DPF3: variants seen among roughly 807,000 people sequenced by gnomAD.
DPF3 encodes the protein zinc finger protein DPF3.
A neutral mutation model predicts 56.8 loss-of-function variants in DPF3; 18 were observed. The ratio of observed to expected loss-of-function variants is 0.32; its 90% confidence interval spans 0.22 to 0.47. DPF3 has a LOEUF of 0.47. DPF3 is among the 20% of genes least tolerant of loss of function. The pLI, the probability that DPF3 is intolerant of heterozygous loss-of-function variation, is 1.00. For synonymous variants in DPF3, 188 were observed against 180.2 expected (o/e 1.04, Z -0.35); for missense variants, 403 against 488.8 (o/e 0.82, Z 1.65).
intron 1 of DPF3, among the ~76,000 whole-genome samples, chr14:72,879,284 G>A (rs8007376): frequency 0.061 from 9,203 of 151,934 alleles, 347 homozygotes; most frequent in East Asian, 0.15. Flanking sequence ...TCAGGAGGCC[G>A]AGATAGGAGA....
chr14:72,796,159 G>A (rs189301383), intron 1 of DPF3, among the ~76,000 whole-genome samples: 23 of 152,258 alleles, frequency 1.5e-4, no homozygotes, highest in Admixed American at 1.4e-3. Flanking sequence ...CTGCTAATTA[G>A]CTGGGTGACT....
At chr14:72,705,613 C>T (rs1279841531) in intron 6 of DPF3, among the ~76,000 whole-genome samples, 1 of 152,154 alleles carries the variant, frequency 6.6e-6, no homozygotes, top group Non-Finnish European at 1.5e-5. Flanking sequence ...TGGTCTAACT[C>T]TGTGCCCCCA....
chr14:72,698,156 T>C (rs1887991461), intron 6 of DPF3, among the ~76,000 whole-genome samples: 1 of 152,248 alleles, frequency 6.6e-6, no homozygotes, highest in African/African-American at 2.4e-5. Flanking sequence ...ACTAATCACG[T>C]GTCAATACAG....
At chr14:72,749,479 A>G (rs887373035) in intron 3 of DPF3, among the ~76,000 whole-genome samples, 6 of 152,346 alleles carry the variant, frequency 3.9e-5, no homozygotes, top group Middle Eastern at 3.4e-3. Flanking sequence ...GTTAATGCTG[A>G]AACGAGTTGA....
At position 72,866,464 on chromosome 14, in the gene DPF3, C is replaced by T. The variant is rs984939128; in HGVS notation, c.32+27593G>A. On this transcript the variant is annotated intron_variant, in intron 1 of 10. Transcript: ENST00000556509. ...GCTCCTTTCTGAACCCAAGCTTATTCGAATGCACAGGCTCAGGTACCCGCC... is the reference window on the plus strand; with the variant it reads ...GCTCCTTTCTGAACCCAAGCTTATTTGAATGCACAGGCTCAGGTACCCGCC... Among the ~76,000 whole-genome samples the T allele has an allele frequency of 4.6e-5, 7 of 150,656 alleles. No individual in the cohort carries two copies. The East Asian group carries it at 1.2e-3, about 25-fold the overall frequency.
Position 72,684,400 on chromosome 14 carries a change from T to C in DPF3, c.742+8676A>G, listed in dbSNP as rs192304220. Reference sequence around the variant, plus strand: ...TAACAACCCAGGCAGAAGCCAGGGGTGGCCAGAAGATAGAGAGAGGGAGAA... The same window carrying C: ...TAACAACCCAGGCAGAAGCCAGGGGCGGCCAGAAGATAGAGAGAGGGAGAA... On this transcript the variant is annotated intron_variant, in intron 7 of 10. Coordinates refer to ENST00000556509, the MANE Select transcript of DPF3 (RefSeq NM_001280542.3). Among the ~76,000 whole-genome samples the C allele has an allele frequency of 3.3e-3, 502 of 151,924 alleles. 3 individuals are homozygous for C. The highest frequency in any genetic ancestry group is 0.011 in the African/African-American group (474 of 41,422).
chr14:72,861,492 T>C (rs1283186877), intron 1 of DPF3, among the ~76,000 whole-genome samples: 1 of 152,112 alleles, frequency 6.6e-6, no homozygotes, highest in Non-Finnish European at 1.5e-5. Context: ...CTAGCAAACA[T>C]GATTGTAGCA....
intron 1 of DPF3, among the ~76,000 whole-genome samples, chr14:72,797,753 T>A (rs758913): frequency 6.6e-6 from 1 of 152,204 alleles, no homozygotes; most frequent in Non-Finnish European, 1.5e-5. Context: ...ACGTAGGATG[T>A]GGTGATCGAA....
intron 1 of DPF3, among the ~76,000 whole-genome samples, chr14:72,787,421 C>T (rs766473257): frequency 3.7e-4 from 57 of 152,150 alleles, no homozygotes; most frequent in Admixed American, 1.8e-3. Flanking sequence ...ATGGAGAGAT[C>T]GTCTTCACAT....
intron 1 of DPF3, among the ~76,000 whole-genome samples, chr14:72,821,408 C>T (rs1396768081): frequency 6.6e-6 from 1 of 152,082 alleles, no homozygotes; most frequent in African/African-American, 2.4e-5. Flanking sequence ...CATAGCAAGA[C>T]CCCATTCTCC....
chr14:72,780,611 A>G (rs1405060707), intron 1 of DPF3, among the ~76,000 whole-genome samples: 2 of 152,214 alleles, frequency 1.3e-5, no homozygotes, highest in Admixed American at 1.3e-4. Context: ...TCCAGAGCCC[A>G]GGATTAGGCA....
At chr14:72,731,618 T>C in intron 4 of DPF3, 189 bp downstream of exon 4, 1 of 719,234 alleles carries the variant, frequency 1.4e-6, no homozygotes, top group Non-Finnish European at 2.3e-6. Context: ...AAGGCAATAA[T>C]GACTCCTTCG....
At chr14:72,733,959 T>C (rs1402506308) in intron 3 of DPF3, among the ~76,000 whole-genome samples, 1 of 152,214 alleles carries the variant, frequency 6.6e-6, no homozygotes, top group Non-Finnish European at 1.5e-5. Flanking sequence ...ACAAAGTCTT[T>C]GGGATTTTTC....
At chr14:72,627,316 A>T (rs1311667416) in intron 9 of DPF3, among the ~76,000 whole-genome samples, 10 of 152,074 alleles carry the variant, frequency 6.6e-5, no homozygotes, top group Non-Finnish European at 1.5e-4. Context: ...GTATTTGGTG[A>T]TTATTTTTAT....
intron 1 of DPF3, among the ~76,000 whole-genome samples, chr14:72,799,639 G>GTATA (rs34130015): frequency 3.3e-3 from 501 of 150,126 alleles, no homozygotes; most frequent in Non-Finnish European, 4.2e-3. Context: ...GATCATATAT[G>GTATA]TATATATATA....
At chr14:72,757,581 A>T (rs1890890040) in intron 2 of DPF3, among the ~76,000 whole-genome samples, 1 of 152,184 alleles carries the variant, frequency 6.6e-6, no homozygotes, top group African/African-American at 2.4e-5. Flanking sequence ...AGAACCGGGT[A>T]ACAGGATCAA....
At chr14:72,882,884 T>G (rs1256482215) in intron 1 of DPF3, among the ~76,000 whole-genome samples, 1 of 152,162 alleles carries the variant, frequency 6.6e-6, no homozygotes, top group Non-Finnish European at 1.5e-5. Context: ...AGCACTTACT[T>G]TGCCCTGCCA....
rs2153565660 is a variant in DPF3 at position 72,618,838 on chromosome 14, G to T, written c.*459C>A. On this transcript the variant is annotated 3_prime_UTR_variant, in exon 11 of 11. Coordinates refer to ENST00000556509, the MANE Select transcript of DPF3 (RefSeq NM_001280542.3). ...AACGACAACTTCTCCACAGCCCTTTGTTCCTCAGGTGAGAATTTCAGGATG... is the reference window on the plus strand; with the variant it reads ...AACGACAACTTCTCCACAGCCCTTTTTTCCTCAGGTGAGAATTTCAGGATG... Among the ~76,000 whole-genome samples, 1 of 152,314 alleles carries T rather than the reference G, an allele frequency of 6.6e-6. No homozygotes were observed. The highest frequency in any genetic ancestry group is 2.4e-5 in the African/African-American group (1 of 41,580).
chr14:72,846,561 C>G (rs1884770529), intron 1 of DPF3, among the ~76,000 whole-genome samples: 1 of 151,964 alleles, frequency 6.6e-6, no homozygotes, highest in South Asian at 2.1e-4. Flanking sequence ...TGGTCTCAAT[C>G]TCCTGACCTT....
Sources: allele counts gnomAD v4.1 joint callset (sites outside exome capture counted in the v4.1 genomes callset), GRCh38; gene constraint gnomAD v4.1.1; transcripts MANE v1.5; gene names NCBI Gene and HGNC (gene_info 2026-07-23, HGNC 2026-07-21).